Variants in EEA1 observed in about 807,000 individuals in gnomAD.
EEA1 encodes early endosome antigen 1, 162kD.
Under a neutral mutation model 209.2 loss-of-function variants are expected in EEA1, and 111 were observed. That is an observed-to-expected ratio of 0.53 (90% CI 0.45 to 0.62). The LOEUF is 0.62. Among genes scored for constraint, EEA1 ranks in the 20% least tolerant of loss-of-function variants. The pLI is 0.00. For missense variants in EEA1, 1,343 were observed against 1,530.8 expected (o/e 0.88, Z 2.05); for synonymous variants, 536 against 540.6 (o/e 0.99, Z 0.12).
intron 17 of EEA1, among the ~76,000 whole-genome samples, chr12:92,809,673 C>A (rs1444962112): frequency 9.6e-5 from 14 of 146,144 alleles, no homozygotes; most frequent in Non-Finnish European, 6.0e-5. Flanking sequence ...CCAGCCTGGG[C>A]AACAGAATGA....
chr12:92,816,271 C>T lies in EEA1; in HGVS notation c.1858G>A (p.Glu620Lys). The T allele has an allele frequency of 6.2e-7, 1 of 1,613,958 alleles. No homozygotes were observed. Among genetic ancestry groups the T allele is most frequent in the Non-Finnish European group, 8.5e-7 (1 of 1,179,894 alleles). Reference sequence around the variant, plus strand: ...CTATTTAATTCATTGACACTAGTTTCTAGGGAAAGGACACGGTCTTGTGCA... The same window carrying T: ...CTATTTAATTCATTGACACTAGTTTTTAGGGAAAGGACACGGTCTTGTGCA... ...RAAQDRVLSL[E>K]TSVNELNSQL... The change falls in exon 15 of 29, where the codon GAA (glutamate) becomes AAA (lysine). Residue 620 changes from glutamate to lysine, a missense_variant. Physicochemically the swap from Glu to Lys is moderately conservative, Grantham distance 56. Coordinates refer to ENST00000322349, the MANE Select transcript of EEA1 (RefSeq NM_003566.4).
intron 15 of EEA1, among the ~76,000 whole-genome samples, chr12:92,813,686 G>T (rs920302610): frequency 1.1e-4 from 17 of 152,114 alleles, no homozygotes; most frequent in African/African-American, 3.9e-4. Flanking sequence ...TTTAAGTGTT[G>T]GAATACCTTT....
intron 1 of EEA1, among the ~76,000 whole-genome samples, chr12:92,913,505 T>G (rs147631734): frequency 1.3e-5 from 2 of 152,352 alleles, no homozygotes; most frequent in Non-Finnish European, 2.9e-5. Flanking sequence ...TTTCTTTGGC[T>G]GTACAGACAA....
intron 21 of EEA1, among the ~76,000 whole-genome samples, chr12:92,788,320 G>C (rs956672492): frequency 6.6e-6 from 1 of 150,996 alleles, no homozygotes; most frequent in Non-Finnish European, 1.5e-5. Context: ...ATCAGGTCTC[G>C]GGAGAAAGAG....
At chr12:92,889,727 C>T (rs11106735) in intron 2 of EEA1, among the ~76,000 whole-genome samples, 203 of 152,102 alleles carry the variant, frequency 1.3e-3, no homozygotes, top group African/African-American at 4.8e-3. Flanking sequence ...GGCAAAACCC[C>T]GTCTCTACTA....
chr12:92,894,452 A>C (rs563463099), intron 1 of EEA1, among the ~76,000 whole-genome samples: 11 of 152,260 alleles, frequency 7.2e-5, no homozygotes, highest in Admixed American at 5.9e-4. Flanking sequence ...CCTTTGTGCC[A>C]AACAGCCAAA....
At chr12:92,799,388 TGTATA>T (rs1874799803) in intron 20 of EEA1, among the ~76,000 whole-genome samples, 1 of 152,204 alleles carries the variant, frequency 6.6e-6, no homozygotes, top group Admixed American at 6.5e-5. Flanking sequence ...GACTTATAAT[TGTATA>T]GTTACAGCTT....
intron 2 of EEA1, among the ~76,000 whole-genome samples, chr12:92,887,035 G>GA (rs11386951): frequency 0.93 from 141,106 of 151,534 alleles, 65,743 homozygotes; most frequent in East Asian, 1. Flanking sequence ...CAAAAACAAA[G>GA]AAAAAAAGAA....
intron 11 of EEA1, among the ~76,000 whole-genome samples, chr12:92,831,193 C>T (rs1224979455): frequency 2.6e-5 from 4 of 151,934 alleles, no homozygotes; most frequent in Non-Finnish European, 5.9e-5. Context: ...AGTATCACTG[C>T]CATTTTAGAA....
chr12:92,880,197 C>T (rs1879075657), intron 2 of EEA1, among the ~76,000 whole-genome samples: 1 of 152,210 alleles, frequency 6.6e-6, no homozygotes, highest in South Asian at 2.1e-4. Flanking sequence ...GGGCAAAATC[C>T]CTCCTTCACT....
chr12:92,808,920 T>G, intron 18 of EEA1, 97 bp downstream of exon 18: 1 of 1,019,208 alleles, frequency 9.8e-7, no homozygotes, highest in Non-Finnish European at 1.4e-6. Context: ...TAATAAGTCT[T>G]TAAGCACTAC....
At chr12:92,843,158 A>C (rs574231383) in intron 9 of EEA1, among the ~76,000 whole-genome samples, 1 of 152,014 alleles carries the variant, frequency 6.6e-6, no homozygotes, top group Non-Finnish European at 1.5e-5. Flanking sequence ...GTGCATTTTA[A>C]TTATTATTAT....
At chr12:92,809,761 T>C (rs1875404657) in intron 17 of EEA1, among the ~76,000 whole-genome samples, 1 of 152,006 alleles carries the variant, frequency 6.6e-6, no homozygotes, top group Non-Finnish European at 1.5e-5. Context: ...CATAAATAGT[T>C]ATTATCTCAG....
chr12:92,915,710 C>T (rs1366788941), intron 1 of EEA1, among the ~76,000 whole-genome samples: 3 of 152,154 alleles, frequency 2.0e-5, no homozygotes, highest in Non-Finnish European at 4.4e-5. Context: ...ACAATTAAGC[C>T]TAACTTTTCT....
chr12:92,803,294 A>G (rs1335865302), intron 18 of EEA1, among the ~76,000 whole-genome samples: 1 of 152,118 alleles, frequency 6.6e-6, no homozygotes, highest in African/African-American at 2.4e-5. Context: ...AGAAGCTAGC[A>G]GATTATACAA....
In EEA1 at chr12:92,776,007, CCCATTATCCTTGCAAGT is replaced by C; in HGVS notation, c.4223_*3del. The C allele has an allele frequency of 6.2e-7, 1 of 1,609,494 alleles. No individual in the cohort carries two copies. The highest frequency in any genetic ancestry group is 8.5e-7 in the Non-Finnish European group (1 of 1,177,382). On this transcript the variant is annotated stop_lost and 3_prime_UTR_variant, in exon 29 of 29. Coordinates refer to ENST00000322349, the MANE Select transcript of EEA1 (RefSeq NM_003566.4). ...TAATATTACTCTGAAGTTGTGATAA[CCCATTATCCTTGCAAGT>C]CATTGAAACATGCATCACAGACACG...
At chr12:92,858,038 C>T (rs1181725448) in intron 3 of EEA1, 2 of 382,468 alleles carry the variant, frequency 5.2e-6, no homozygotes, top group East Asian at 1.1e-4. Flanking sequence ...CTTGCCGCTG[C>T]TCCTTCTCAA....
chr12:92,777,686 A>G, intron 26 of EEA1, 23 bp from the exon 27 acceptor site: 1 of 1,602,478 alleles, frequency 6.2e-7, no homozygotes, highest in Non-Finnish European at 8.5e-7. Context: ...GCAAAGAGGT[A>G]ATTAATTTTT....
chr12:92,801,771 CT>C, intron 19 of EEA1, 70 bp from the exon 20 acceptor site: 1 of 1,068,318 alleles, frequency 9.4e-7, no homozygotes, highest in Non-Finnish European at 1.3e-6. Context: ...AGTTTATAAC[CT>C]TAGTAAGATA....
Sources: allele counts gnomAD v4.1 joint callset (sites outside exome capture counted in the v4.1 genomes callset), GRCh38; gene constraint gnomAD v4.1.1; transcripts MANE v1.5; gene names NCBI Gene and HGNC (gene_info 2026-07-23, HGNC 2026-07-21).